The following MLC1 variants were observed in gnomAD, a reference collection of about 807,000 sequenced individuals.
MLC1 encodes membrane protein MLC1.
Under a neutral mutation model 44.7 loss-of-function variants are expected in MLC1, and 32 were observed. The ratio of observed to expected loss-of-function variants is 0.72; its 90% CI spans 0.54 to 0.96. The LOEUF is 0.96. Ranked by LOEUF, MLC1 falls within the 40% of genes least tolerant of loss-of-function variation. The pLI, the probability that MLC1 is intolerant of heterozygous loss-of-function variation, is 0.00. For synonymous variants in MLC1, 190 were observed against 213.0 expected, an observed-to-expected ratio of 0.89 and a Z score of 0.94; for missense variants, 459 against 492.2, an observed-to-expected ratio of 0.93 and a Z score of 0.64.
intron 11 of MLC1, among the ~76,000 whole-genome samples, chr22:50,062,288 T>TGAGCCCTAGCCGC (rs1569240784): frequency 9.6e-6 from 1 of 103,700 alleles, no homozygotes; most frequent in Admixed American, 1.1e-4. Context: ...GCCCCAGCCG[T>TGAGCCCTAGCCGC]CCATCCTGAG....
intron 11 of MLC1, among the ~76,000 whole-genome samples, chr22:50,063,140 A>G (rs987105406): frequency 1.3e-5 from 2 of 152,114 alleles, no homozygotes; most frequent in African/African-American, 4.8e-5. Flanking sequence ...TTTCCCAGGG[A>G]TGGGTCTGGG....
In MLC1 at chr22:50,070,447, A is replaced by G. The variant is rs534126827; in HGVS notation, c.771+80T>C. The G allele has an allele frequency of 1.2e-5, 16 of 1,329,848 alleles. No homozygotes were observed. In the South Asian group the frequency reaches 1.5e-4, roughly 13 times the overall value. The allele number at this position is 1,329,848 out of a possible 1,614,324, so 82.4% of individuals were successfully genotyped here. On this transcript the variant is annotated intron_variant, in intron 9 of 11. Transcript: ENST00000311597. ...CTCTCTTGGGCTGGAGCCTGGTCAC[A>G]TGGCACCAAGGGAGGGCTAGGCCAG...
At position 50,083,663 on chromosome 22, in the gene MLC1, C is replaced by G. The variant is rs1232671337; in HGVS notation, c.178-490G>C. Among the ~76,000 whole-genome samples the G allele has an allele frequency of 2.0e-5, 3 of 152,162 alleles. No homozygotes were observed. In the South Asian group the frequency reaches 6.2e-4, roughly 32 times the overall value. On this transcript the variant is annotated intron_variant, in intron 2 of 11. Transcript: ENST00000311597. The surrounding 1 kb of genome is among the most constrained non-coding windows in gnomAD (Gnocchi z 4.6). Reference sequence around the variant, plus strand: ...CCCAGGGGCTCCTGAGCAGGGAAGACCCTAGCAGGAGGCAGGGAGGGTGCT... The same window carrying G: ...CCCAGGGGCTCCTGAGCAGGGAAGAGCCTAGCAGGAGGCAGGGAGGGTGCT...
intron 9 of MLC1, among the ~76,000 whole-genome samples, chr22:50,068,851 C>G (rs1437881789): frequency 6.6e-6 from 1 of 151,426 alleles, no homozygotes. Context: ...CTCAGCCTCC[C>G]GAGTAGCTGG....
intron 11 of MLC1, among the ~76,000 whole-genome samples, chr22:50,063,472 CAAAAA>C (rs1186364376): frequency 0.21 from 16,745 of 79,292 alleles, 1,094 homozygotes; most frequent in South Asian, 0.35. Flanking sequence ...GACTCCTTCT[CAAAAA>C]AAAAAAAAAA....
At chr22:50,069,306 A>G (rs1157900147) in intron 9 of MLC1, among the ~76,000 whole-genome samples, 2 of 151,632 alleles carry the variant, frequency 1.3e-5, no homozygotes, top group African/African-American at 2.4e-5. Context: ...GATTACAGGC[A>G]TGAGCAGCCT....
chr22:50,072,527 T>A (rs1602015053), intron 8 of MLC1, among the ~76,000 whole-genome samples: 1 of 151,810 alleles, frequency 6.6e-6, no homozygotes, highest in Non-Finnish European at 1.5e-5. Flanking sequence ...GGGCAGGGGG[T>A]GCTCTCCGGG....
At chr22:50,080,470 T>G (rs2062094925) in intron 3 of MLC1, 73 bp from the exon 4 acceptor site, 1 of 1,454,956 alleles carries the variant, frequency 6.9e-7, no homozygotes, top group Non-Finnish European at 9.4e-7. Flanking sequence ...CTCTAACATT[T>G]GCGCTTCCAG....
At chr22:50,066,516 C>T (rs958524469) in intron 10 of MLC1, among the ~76,000 whole-genome samples, 3 of 152,020 alleles carry the variant, frequency 2.0e-5, no homozygotes, top group Admixed American at 6.6e-5. Context: ...AAAAATTAGC[C>T]GGGTGTGTTG....
Position 50,061,189 on chromosome 22 carries a change from G to A in MLC1, c.*394C>T, listed in dbSNP as rs1010290759. On this transcript the variant is annotated 3_prime_UTR_variant, in exon 12 of 12. Transcript: ENST00000311597. ...AGCCCGGTCAGAGTGGGCAGGAGAC[G>A]CAGGGACCCACAGTCTGGTCAGGTC... 13 of 311,612 alleles carry A rather than the reference G, an allele frequency of 4.2e-5. No homozygotes were observed. The highest frequency in any genetic ancestry group is 2.6e-4 in the Admixed American group (6 of 23,492). 19.3% of individuals were successfully genotyped at this position (311,612 alleles called of 1,614,324 possible).
At chr22:50,061,703 G>T in intron 11 of MLC1, 46 bp from the exon 12 acceptor site, 1 of 1,557,956 alleles carries the variant, frequency 6.4e-7, no homozygotes, top group Non-Finnish European at 8.8e-7. Context: ...GGCCACCTGT[G>T]CGGCGGGAAG....
chr22:50,083,089 C>T lies in MLC1; in HGVS notation c.262G>A (p.Gly88Ser). The T allele has an allele frequency of 6.2e-7, 1 of 1,614,070 alleles. No individual in the cohort carries two copies. Among genetic ancestry groups the T allele is most frequent in the Non-Finnish European group, 8.5e-7 (1 of 1,179,990 alleles). ...AEMDYLRCAA[G>S]SCIPSAIVSF... ...GCGTGGAGGAAGCTGCTTACAGAGC[C>T]TGCAGCACAGCGCAAGTAATCCATC... Residue 88 changes from glycine (G) to serine (S), a missense_variant, in exon 3 of 12, where the codon GGC (glycine) becomes AGC (serine). Transcript: ENST00000311597. This position sits in a 1 kb window ranked among gnomAD's most constrained non-coding sequence, Gnocchi z 4.6.
chr22:50,065,666 C>T (rs1339801647), intron 10 of MLC1, among the ~76,000 whole-genome samples: 3 of 152,294 alleles, frequency 2.0e-5, no homozygotes, highest in East Asian at 1.9e-4. Context: ...CCCGTGTCAC[C>T]GAACTCCAGC....
intron 2 of MLC1, 26 bp downstream of exon 2, chr22:50,084,700 C>T (rs1422197613): frequency 6.2e-7 from 1 of 1,612,776 alleles, no homozygotes; most frequent in Non-Finnish European, 8.5e-7. Flanking sequence ...CGTGGCCCTC[C>T]AAGGGCTTAG....
At position 50,061,298 on chromosome 22, in the gene MLC1, G is replaced by C; in HGVS notation, c.*285C>G. The C allele has an allele frequency of 2.0e-6, 1 of 497,918 alleles. No individual in the cohort carries two copies. The allele number at this position is 497,918 out of a possible 1,614,324, so 30.8% of individuals were successfully genotyped here. On this transcript the variant is annotated 3_prime_UTR_variant, in exon 12 of 12. Transcript: ENST00000311597. Reference sequence around the variant, plus strand: ...TCAGGGGTGGGGCTCTCAAGAGGCCGAGCCGGGGGCCCTTCCTCGGCCTGG... The same window carrying C: ...TCAGGGGTGGGGCTCTCAAGAGGCCCAGCCGGGGGCCCTTCCTCGGCCTGG...
intron 10 of MLC1, among the ~76,000 whole-genome samples, chr22:50,066,067 T>A (rs2061695346): frequency 1.3e-5 from 2 of 149,498 alleles, no homozygotes. Flanking sequence ...CTGGGCACGG[T>A]GGCAGAAGCC....
intron 3 of MLC1, among the ~76,000 whole-genome samples, chr22:50,080,891 C>T (rs1302403813): frequency 6.6e-6 from 1 of 152,006 alleles, no homozygotes; most frequent in African/African-American, 2.4e-5. Flanking sequence ...GGTGCAGTGG[C>T]TCACACCTCT....
At chr22:50,080,997 C>A (rs1347371398) in intron 3 of MLC1, among the ~76,000 whole-genome samples, 3 of 13,430 alleles carry the variant, frequency 2.2e-4, no homozygotes, top group Non-Finnish European at 6.5e-4. Context: ...TAGAGTGAGA[C>A]CTTGTCTCAA....
intron 11 of MLC1, among the ~76,000 whole-genome samples, chr22:50,062,470 G>A (rs2146749675): frequency 6.6e-6 from 1 of 152,372 alleles, no homozygotes; most frequent in East Asian, 1.9e-4. Context: ...CAGGGAGACT[G>A]ACCACAGCCA....
Sources: allele counts gnomAD v4.1 joint callset (sites outside exome capture counted in the v4.1 genomes callset), GRCh38; gene constraint gnomAD v4.1.1; non-coding constraint Gnocchi (gnomAD v3.1); transcripts MANE v1.5; gene names NCBI Gene and HGNC (gene_info 2026-07-23, HGNC 2026-07-21).